PCDH9: variants seen among roughly 807,000 people sequenced by gnomAD.
The protein encoded by PCDH9 is protocadherin 9.
Under a neutral mutation model 70.6 loss-of-function variants are expected in PCDH9, and 24 were observed. The ratio of observed to expected loss-of-function variants is 0.34; its 90% CI spans 0.25 to 0.48. The LOEUF is 0.48. Ranked by LOEUF, PCDH9 falls within the 20% of genes least tolerant of loss-of-function variation. The probability of loss-of-function intolerance (pLI) is 0.99; values close to 1 mark genes in which losing one functional copy is unlikely to be tolerated. For missense variants in PCDH9, 1,281 were observed against 1,503.6 expected, an observed-to-expected ratio of 0.85 and a Z score of 2.45; for synonymous variants, 562 against 558.5, an observed-to-expected ratio of 1.01 and a Z score of -0.09.
In PCDH9 at chr13:66,681,292, A is replaced by G. The variant is rs552895826; in HGVS notation, c.3139-49881T>C. On this transcript the variant is annotated intron_variant, in intron 3 of 4. Coordinates refer to ENST00000377865, the MANE Select transcript of PCDH9 (RefSeq NM_203487.3). Reference sequence around the variant, plus strand: ...AGTTTTCATTTTAAACAACTGCATTATATGGTTCTAAAGTATTCATTAGTT... The same window carrying G: ...AGTTTTCATTTTAAACAACTGCATTGTATGGTTCTAAAGTATTCATTAGTT... Among the ~76,000 whole-genome samples, 9 of 152,222 alleles carry G rather than the reference A, an allele frequency of 5.9e-5. No individual in the cohort carries two copies. In the South Asian group the frequency reaches 1.7e-3, roughly 28 times the overall value.
At chr13:66,465,710 G>A (rs1168659666) in intron 4 of PCDH9, among the ~76,000 whole-genome samples, 2 of 151,712 alleles carry the variant, frequency 1.3e-5, no homozygotes, top group African/African-American at 2.4e-5. Flanking sequence ...ATTATTAAAA[G>A]TATGAAATTT....
At chr13:66,509,893 A>G (rs779603342) in intron 4 of PCDH9, among the ~76,000 whole-genome samples, 9 of 152,246 alleles carry the variant, frequency 5.9e-5, no homozygotes, top group Non-Finnish European at 1.2e-4. Context: ...AATGCAACTT[A>G]ACTGGACATT....
At chr13:66,460,787 G>T (rs1206147946) in intron 4 of PCDH9, among the ~76,000 whole-genome samples, 4 of 151,794 alleles carry the variant, frequency 2.6e-5, no homozygotes, top group Admixed American at 6.6e-5. Context: ...CACACCTGCA[G>T]AAATGCCTAA....
At chr13:66,399,867 T>C (rs897640473) in intron 4 of PCDH9, among the ~76,000 whole-genome samples, 5 of 152,050 alleles carry the variant, frequency 3.3e-5, no homozygotes, top group Non-Finnish European at 7.4e-5. Flanking sequence ...CAAATACCTG[T>C]TTATATATAC....
intron 4 of PCDH9, among the ~76,000 whole-genome samples, chr13:66,434,993 G>A (rs2094243118): frequency 6.6e-6 from 1 of 152,066 alleles, no homozygotes; most frequent in African/African-American, 2.4e-5. Flanking sequence ...AGTGAGGTCT[G>A]ACTTAAGACT....
intron 3 of PCDH9, among the ~76,000 whole-genome samples, chr13:66,761,246 C>A (rs1057193101): frequency 1.3e-5 from 2 of 152,128 alleles, no homozygotes; most frequent in East Asian, 3.9e-4. Flanking sequence ...GGAAACCCAG[C>A]TGTAAAATTT....
At chr13:66,823,367 G>A (rs2080749751) in intron 3 of PCDH9, among the ~76,000 whole-genome samples, 1 of 151,598 alleles carries the variant, frequency 6.6e-6, no homozygotes, top group African/African-American at 2.4e-5. Context: ...TTAGGAAAGA[G>A]AGAAGAAGGT....
chr13:66,938,694 C>A (rs1357219945), intron 2 of PCDH9, among the ~76,000 whole-genome samples: 1 of 152,144 alleles, frequency 6.6e-6, no homozygotes, highest in Non-Finnish European at 1.5e-5. Context: ...TCCACTCTTT[C>A]ATCTTAAGCC....
intron 2 of PCDH9, among the ~76,000 whole-genome samples, chr13:67,166,463 C>A (rs1594601708): frequency 6.6e-6 from 1 of 152,102 alleles, no homozygotes; most frequent in East Asian, 1.9e-4. Flanking sequence ...TCAGATTATA[C>A]AAAATGAGGA....
chr13:66,420,457 T>G (rs1469827535), intron 4 of PCDH9, among the ~76,000 whole-genome samples: 1 of 152,166 alleles, frequency 6.6e-6, no homozygotes, highest in Admixed American at 6.5e-5. Flanking sequence ...CCCTCTGTGA[T>G]GAAGCTTGAT....
At chr13:67,209,408 A>G (rs1256573270) in intron 2 of PCDH9, 1 of 152,146 alleles carries the variant, frequency 6.6e-6, no homozygotes, top group Non-Finnish European at 1.5e-5. Context: ...TGCATCCAAA[A>G]TGTGGCATTT....
chr13:66,953,347 CCCATATCCCCAGTG>C (rs1276357691), intron 2 of PCDH9, among the ~76,000 whole-genome samples: 17 of 152,246 alleles, frequency 1.1e-4, no homozygotes, highest in African/African-American at 4.1e-4. Flanking sequence ...TTTGTTCATC[CCCATATCCCCAGTG>C]CCTGTAGCAC....
chr13:67,113,393 G>C (rs986862383), intron 2 of PCDH9, among the ~76,000 whole-genome samples: 3 of 152,108 alleles, frequency 2.0e-5, no homozygotes, highest in African/African-American at 7.2e-5. Context: ...CCAGTGGTCC[G>C]TGTCTTATAA....
intron 4 of PCDH9, among the ~76,000 whole-genome samples, chr13:66,571,264 A>T (rs1015706353): frequency 6.6e-6 from 1 of 152,076 alleles, no homozygotes; most frequent in African/African-American, 2.4e-5. Flanking sequence ...CCAGACATTT[A>T]TTGTAAATTT....
intron 2 of PCDH9, among the ~76,000 whole-genome samples, chr13:67,047,788 T>C (rs943135664): frequency 5.3e-5 from 8 of 152,304 alleles, no homozygotes; most frequent in African/African-American, 1.7e-4. Flanking sequence ...ATTTTAAAAA[T>C]ATCTTGCATG....
At chr13:67,153,950 T>A (rs1386445772) in intron 2 of PCDH9, among the ~76,000 whole-genome samples, 1 of 152,232 alleles carries the variant, frequency 6.6e-6, no homozygotes, top group African/African-American at 2.4e-5. Flanking sequence ...ACAAAATGAA[T>A]ATACGTGTAT....
chr13:66,850,073 A>G (rs1453777114), intron 3 of PCDH9, among the ~76,000 whole-genome samples: 1 of 152,154 alleles, frequency 6.6e-6, no homozygotes, highest in Non-Finnish European at 1.5e-5. Flanking sequence ...TATTGTTATA[A>G]TAATACAATT....
At chr13:67,051,837 G>A (rs1458800022) in intron 2 of PCDH9, among the ~76,000 whole-genome samples, 1 of 152,076 alleles carries the variant, frequency 6.6e-6, no homozygotes, top group Non-Finnish European at 1.5e-5. Flanking sequence ...ATCTTTGGAA[G>A]ATGTAATGAA....
chr13:66,815,683 T>C (rs2080590484), intron 3 of PCDH9, among the ~76,000 whole-genome samples: 1 of 152,150 alleles, frequency 6.6e-6, no homozygotes. Flanking sequence ...TACCACATGT[T>C]CTCACTTATA....
Sources: gnomAD v4.1 joint callset for allele counts (sites outside exome capture counted in the v4.1 genomes callset) on GRCh38, gnomAD v4.1.1 for gene constraint, MANE v1.5 for transcripts, NCBI Gene and HGNC (gene_info 2026-07-23, HGNC 2026-07-21) for gene names.